NTM: variants seen among roughly 807,000 people sequenced by gnomAD.
The protein encoded by NTM is neurotrimin.
A neutral mutation model predicts 42.1 loss-of-function variants in NTM; 13 were observed. That is an observed-to-expected ratio of 0.31 (90% CI 0.20 to 0.49). The LOEUF is 0.49. Among genes scored for constraint, NTM ranks in the 20% least tolerant of loss-of-function variants. The pLI is 0.99. For missense variants in NTM, 373 were observed against 452.8 expected (o/e 0.82, Z 1.60); for synonymous variants, 187 against 179.2 (o/e 1.04, Z -0.35).
chr11:131,627,370 C>T (rs75057593), intron 1 of NTM, among the ~76,000 whole-genome samples: 74 of 152,090 alleles, frequency 4.9e-4, no homozygotes, highest in African/African-American at 1.6e-3. Context: ...GTAAAGTTCA[C>T]ATTACTTTAT....
At chr11:132,217,639 G>A (rs2084182763) in intron 4 of NTM, among the ~76,000 whole-genome samples, 1 of 151,966 alleles carries the variant, frequency 6.6e-6, no homozygotes, top group South Asian at 2.1e-4. Context: ...GGGTACATCT[G>A]CGTGGCCTAC....
At chr11:131,743,716 G>T (rs2081458537) in intron 1 of NTM, among the ~76,000 whole-genome samples, 2 of 152,140 alleles carry the variant, frequency 1.3e-5, no homozygotes, top group Non-Finnish European at 2.9e-5. Flanking sequence ...AAAGCAATAA[G>T]AATAGGAGGT....
chr11:132,004,632 TCTCACACA>T (rs2070324420), intron 2 of NTM, among the ~76,000 whole-genome samples: 3 of 143,174 alleles, frequency 2.1e-5, no homozygotes, highest in African/African-American at 7.8e-5. Flanking sequence ...TCTCTCTCTC[TCTCACACA>T]CACACACACA....
intron 1 of NTM, among the ~76,000 whole-genome samples, chr11:131,451,588 AT>A (rs1237593202): frequency 1.3e-5 from 2 of 152,222 alleles, no homozygotes; most frequent in Non-Finnish European, 2.9e-5. Flanking sequence ...AGAAATGGGC[AT>A]GGTCATCTGG....
intron 1 of NTM, among the ~76,000 whole-genome samples, chr11:131,652,082 T>A (rs1354561014): frequency 1.3e-5 from 1 of 76,496 alleles, no homozygotes; most frequent in Admixed American, 1.3e-4. Flanking sequence ...TCACTCGAGT[T>A]CTAGACTTAT....
intron 1 of NTM, among the ~76,000 whole-genome samples, chr11:131,866,565 G>A (rs1001081645): frequency 6.6e-6 from 1 of 152,386 alleles, no homozygotes; most frequent in East Asian, 1.9e-4. Flanking sequence ...TGGGTGAACT[G>A]TGTGTCTCCC....
At chr11:131,977,045 G>A (rs146480592) in intron 2 of NTM, among the ~76,000 whole-genome samples, 10 of 152,172 alleles carry the variant, frequency 6.6e-5, no homozygotes, top group Admixed American at 2.0e-4. Flanking sequence ...GAAGATAAAT[G>A]TCAGCACCAT....
chr11:132,118,497 G>A (rs1335157717), intron 2 of NTM, among the ~76,000 whole-genome samples: 1 of 152,202 alleles, frequency 6.6e-6, no homozygotes, highest in Non-Finnish European at 1.5e-5. Context: ...CATCGCAATC[G>A]CACAGCACAT....
intron 1 of NTM, among the ~76,000 whole-genome samples, chr11:131,642,701 C>T (rs931102153): frequency 6.6e-6 from 1 of 152,198 alleles, no homozygotes; most frequent in African/African-American, 2.4e-5. Context: ...GTTTGGAGGA[C>T]ATAGTGACAC....
intron 1 of NTM, among the ~76,000 whole-genome samples, chr11:131,725,128 A>G (rs1171292654): frequency 3.3e-5 from 5 of 152,180 alleles, no homozygotes; most frequent in Admixed American, 2.0e-4. Context: ...GGGGTTTACA[A>G]TCTGTTGGCA....
intron 1 of NTM, among the ~76,000 whole-genome samples, chr11:131,833,707 C>T (rs556614066): frequency 6.6e-6 from 1 of 152,212 alleles, no homozygotes; most frequent in South Asian, 2.1e-4. Flanking sequence ...TCCATTAGGC[C>T]CTGTACCCTA....
At chr11:131,440,935 C>T (rs1237314656) in intron 1 of NTM, among the ~76,000 whole-genome samples, 1 of 143,498 alleles carries the variant, frequency 7.0e-6, no homozygotes, top group Non-Finnish European at 1.5e-5. Flanking sequence ...TCAGTTTTTG[C>T]TTTCCCTGCT....
At chr11:132,098,514 A>T (rs1032240129) in intron 2 of NTM, among the ~76,000 whole-genome samples, 2 of 152,240 alleles carry the variant, frequency 1.3e-5, no homozygotes, top group Non-Finnish European at 2.9e-5. Flanking sequence ...TGCTTGAATG[A>T]CGAGACTAAT....
chr11:131,499,841 G>A (rs1351336498), intron 1 of NTM, among the ~76,000 whole-genome samples: 1 of 152,120 alleles, frequency 6.6e-6, no homozygotes, highest in African/African-American at 2.4e-5. Context: ...TGGGTTTAGT[G>A]TGTACTTCTG....
At chr11:131,670,459 G>A (rs2069964268) in intron 1 of NTM, among the ~76,000 whole-genome samples, 1 of 151,092 alleles carries the variant, frequency 6.6e-6, no homozygotes, top group African/African-American at 2.4e-5. Flanking sequence ...CTGCATTCAT[G>A]TAGTATTCTG....
chr11:131,633,718 CCTCTCTCT>C (rs147050089), intron 1 of NTM, among the ~76,000 whole-genome samples: 2 of 13,258 alleles, frequency 1.5e-4, no homozygotes, highest in African/African-American at 2.0e-4. Context: ...TCTCTCCCTC[CCTCTCTCT>C]CTCTCTCTCT....
At chr11:131,873,654 C>CAT (rs1376021411) in intron 1 of NTM, among the ~76,000 whole-genome samples, 1 of 94,832 alleles carries the variant, frequency 1.1e-5, no homozygotes, top group Non-Finnish European at 2.1e-5. Context: ...TATATACACA[C>CAT]ATATATATAC....
intron 1 of NTM, among the ~76,000 whole-genome samples, chr11:131,544,175 G>T (rs1302737095): frequency 6.6e-6 from 1 of 152,150 alleles, no homozygotes; most frequent in African/African-American, 2.4e-5. Context: ...ATCTTTTAGG[G>T]TTTCCAGACA....
intron 1 of NTM, among the ~76,000 whole-genome samples, chr11:131,727,653 A>C (rs886343137): frequency 6.6e-6 from 1 of 152,214 alleles, no homozygotes; most frequent in African/African-American, 2.4e-5. Context: ...TCTTCAAGAC[A>C]GACTGTGGAA....
Sources: gnomAD v4.1 joint callset for allele counts (sites outside exome capture counted in the v4.1 genomes callset) on GRCh38, gnomAD v4.1.1 for gene constraint, MANE v1.5 for transcripts, NCBI Gene and HGNC (gene_info 2026-07-23, HGNC 2026-07-21) for gene names.